EXPH5: variants seen among roughly 807,000 people sequenced by gnomAD.
EXPH5 encodes the protein exophilin-5.
In EXPH5, 42 loss-of-function variants were observed where a neutral mutation model predicts 41.1. The ratio of observed to expected loss-of-function variants is 1.02; its 90% confidence interval spans 0.80 to 1.32. EXPH5 has a LOEUF of 1.32. Ranked by LOEUF, EXPH5 falls within the 40% of genes most tolerant of loss-of-function variation. The probability of loss-of-function intolerance (pLI) is 0.00; values close to 1 mark genes in which losing one functional copy is unlikely to be tolerated. For synonymous variants in EXPH5, 798 were observed against 833.5 expected, an observed-to-expected ratio of 0.96 and a Z score of 0.73; for missense variants, 2,298 against 2,314.5, an observed-to-expected ratio of 0.99 and a Z score of 0.15.
intron 1 of EXPH5, among the ~76,000 whole-genome samples, chr11:108,553,939 A>G (rs960722036): frequency 9.2e-5 from 14 of 152,230 alleles, no homozygotes; most frequent in African/African-American, 3.4e-4. Context: ...GTATTAACTA[A>G]TTTAATCTTC....
intron 1 of EXPH5, among the ~76,000 whole-genome samples, chr11:108,573,203 AAAGAAAGAAAGAAAGAAAGG>A (rs1430745197): frequency 2.9e-5 from 4 of 135,920 alleles, no homozygotes; most frequent in African/African-American, 7.8e-5. Flanking sequence ...AAAGAAAAAG[AAAGAAAGAAAGAAAGAAAGG>A]GAAAGCAAAC....
In EXPH5 at chr11:108,509,935, A is replaced by G. The variant is rs1278269405; in HGVS notation, c.5572T>C (p.Cys1858Arg). The change falls in exon 6 of 6, where the codon TGT (cysteine) becomes CGT (arginine). Residue 1858 changes from cysteine (C) to arginine (R), a missense_variant. Coordinates refer to ENST00000265843, the MANE Select transcript of EXPH5 (RefSeq NM_015065.3). ...TAAGCCCAACTTTCATTTCCATCAC[A>G]GGAGGGGAGTTCAGAAAAAGATCTG... is the stretch of plus-strand genomic sequence containing the variant. ...RFRSFSELPS[C>R]DGNESWAYRS... 1 of 1,611,760 alleles carries G rather than the reference A, an allele frequency of 6.2e-7. No individual in the cohort carries two copies. Among genetic ancestry groups the G allele is most frequent in the Non-Finnish European group, 8.5e-7 (1 of 1,179,196 alleles).
upstream of EXPH5, among the ~76,000 whole-genome samples, chr11:108,595,236 G>A (rs1371857074): frequency 6.6e-6 from 1 of 152,160 alleles, no homozygotes; most frequent in Non-Finnish European, 1.5e-5. Flanking sequence ...GTAATCCAGT[G>A]GGAGAGATAC....
rs1298602215 is a variant in EXPH5 at position 108,514,846 on chromosome 11, G to C, written c.661C>G (p.Gln221Glu). ...TTCACTGAGCTTGCAGACTGTTCCT[G>C]AGCCAATTTGCTATCCAAGTCATCT... ...VLDDLDSKLA[Q>E]EQSASSVNTR... is the part of the protein sequence containing the mutation. Residue 221 changes from glutamine (Q) to glutamate (E), a missense_variant, in exon 6 of 6, where the codon CAG (glutamine) becomes GAG (glutamate). Physicochemically the swap from Gln to Glu is conservative, Grantham distance 29. Coordinates refer to ENST00000265843, the MANE Select transcript of EXPH5 (RefSeq NM_015065.3). 1.3e-5 allele frequency: 20 copies of C among 1,489,782 alleles called. No homozygotes were observed. The East Asian group carries it at 4.5e-4, about 34-fold the overall frequency. 92.3% of individuals were successfully genotyped at this position (1,489,782 alleles called of 1,614,324 possible). A position where few individuals can be genotyped will look rare whatever the true frequency, so the allele number is the denominator to read the frequency against.
chr11:108,512,142 G>A lies in EXPH5; in HGVS notation c.3365C>T (p.Ala1122Val). The A allele has an allele frequency of 6.2e-7, 1 of 1,613,356 alleles. No homozygotes were observed. Among genetic ancestry groups the A allele is most frequent in the Non-Finnish European group, 8.5e-7 (1 of 1,179,804 alleles). The change falls in exon 6 of 6, where the codon GCT (alanine) becomes GTT (valine). Residue 1122 changes from alanine to valine, a missense_variant. Transcript: ENST00000265843. ...TGGCTCCCCTGAGGGACATGACATA[G>A]CCCTGTTGATGAGGAATGGAAGTGG... Reference protein sequence around the residue: ...KGPLPFLINRAMSCPSGEPHA... With the variant: ...KGPLPFLINRVMSCPSGEPHA...
At chr11:108,568,795 C>T (rs2094046612) in intron 1 of EXPH5, among the ~76,000 whole-genome samples, 1 of 152,136 alleles carries the variant, frequency 6.6e-6, no homozygotes, top group African/African-American at 2.4e-5. Context: ...GCCACCAAGC[C>T]CTGCTAATTC....
rs1390556136 is a variant in EXPH5 at position 108,510,109 on chromosome 11, T to A, written c.5398A>T (p.Ile1800Phe). ...CGTAGTAGATCGCCATGAACATTAA[T>A]GCTTTTTAAACTCTTTGAACGATAG... ...HLYRSKSLKS[I>F]NVHGDLLRKS... The change falls in exon 6 of 6, where the codon ATT becomes TTT. Residue 1800 changes from isoleucine (I) to phenylalanine (F), a missense_variant. Ile to Phe is a conservative substitution (Grantham distance 21). Coordinates refer to ENST00000265843, the MANE Select transcript of EXPH5 (RefSeq NM_015065.3). 6.2e-7 allele frequency: 1 copy of A among 1,613,626 alleles called. No individual in the cohort carries two copies. The highest frequency in any genetic ancestry group is 8.5e-7 in the Non-Finnish European group (1 of 1,179,970).
chr11:108,562,823 A>C (rs1011741603), intron 1 of EXPH5, among the ~76,000 whole-genome samples: 2 of 151,620 alleles, frequency 1.3e-5, no homozygotes, highest in Admixed American at 1.3e-4. Flanking sequence ...ACAAACAAAA[A>C]CTTGAATAAA....
chr11:108,600,741 C>T, the EXPH5 span, among the ~76,000 whole-genome samples: 2 of 152,156 alleles, frequency 1.3e-5, no homozygotes, highest in African/African-American at 2.4e-5. Flanking sequence ...ATATATGGGG[C>T]GCACTTCAAA....
intron 1 of EXPH5, 62 bp downstream of exon 1, chr11:108,593,356 C>A (rs2094133031): frequency 6.8e-7 from 1 of 1,475,808 alleles, no homozygotes; most frequent in East Asian, 2.3e-5. Flanking sequence ...GCGCCTTCCC[C>A]GCGGATCCCC....
chr11:108,550,877 T>G (rs2093961143), intron 1 of EXPH5, among the ~76,000 whole-genome samples: 1 of 152,170 alleles, frequency 6.6e-6, no homozygotes, highest in Non-Finnish European at 1.5e-5. Flanking sequence ...GAGGTTATCT[T>G]GAAGACATCT....
At chr11:108,591,956 A>G (rs932806184) in intron 1 of EXPH5, among the ~76,000 whole-genome samples, 2 of 152,224 alleles carry the variant, frequency 1.3e-5, no homozygotes, top group Admixed American at 6.5e-5. Flanking sequence ...TTCAGAGACA[A>G]GAAACATTTC....
intron 4 of EXPH5, among the ~76,000 whole-genome samples, chr11:108,522,477 C>T (rs956214758): frequency 3.3e-5 from 5 of 152,130 alleles, no homozygotes; most frequent in African/African-American, 7.2e-5. Context: ...AGGTCATTTG[C>T]GTTTGGTCAC....
chr11:108,594,334 T>C (rs2094135490), upstream of EXPH5, among the ~76,000 whole-genome samples: 2 of 152,158 alleles, frequency 1.3e-5, no homozygotes, highest in African/African-American at 4.8e-5. Flanking sequence ...CAAAACCGTT[T>C]ATGGTATTTT....
chr11:108,533,923 T>C (rs2093861250), intron 3 of EXPH5, among the ~76,000 whole-genome samples: 1 of 152,168 alleles, frequency 6.6e-6, no homozygotes, highest in Admixed American at 6.5e-5. Context: ...GCCTCCTAAG[T>C]AGCTAGTACT....
rs2094128728 is a variant in EXPH5, at chr11:108,592,079, G to T, written c.119+1339C>A. On this transcript the variant is annotated intron_variant, in intron 1 of 5. Coordinates refer to ENST00000265843, the MANE Select transcript of EXPH5 (RefSeq NM_015065.3). ...GAAAGTTGGGTGTGCCTTGTGCGGT[G>T]CATGTGCATATGTGTAGGTACATTA... is the stretch of plus-strand genomic sequence containing the variant. 2.0e-5 allele frequency among the ~76,000 whole-genome samples: 3 copies of T among 152,294 alleles called. No homozygotes were observed. In the South Asian group the frequency reaches 6.2e-4, roughly 32 times the overall value.
At chr11:108,601,940 G>T in the EXPH5 span, among the ~76,000 whole-genome samples, 4 of 152,106 alleles carry the variant, frequency 2.6e-5, no homozygotes, top group South Asian at 8.3e-4. Flanking sequence ...GGAGAGAATG[G>T]GTTTCACCAT....
At chr11:108,606,368 A>G in the EXPH5 span, among the ~76,000 whole-genome samples, 109 of 151,800 alleles carry the variant, frequency 7.2e-4, 1 homozygote, top group African/African-American at 2.6e-3. Flanking sequence ...CTGCTCCCCA[A>G]TCTCCACTCC....
chr11:108,587,821 C>T (rs1369007307), intron 1 of EXPH5, among the ~76,000 whole-genome samples: 1 of 152,162 alleles, frequency 6.6e-6, no homozygotes, highest in Non-Finnish European at 1.5e-5. Flanking sequence ...GGCGCGGTCT[C>T]GGCTCACTGC....
Sources: gnomAD v4.1 joint callset for allele counts (sites outside exome capture counted in the v4.1 genomes callset) on GRCh38, gnomAD v4.1.1 for gene constraint, MANE v1.5 for transcripts, NCBI Gene and HGNC (gene_info 2026-07-23, HGNC 2026-07-21) for gene names.